SLC18B1: variants seen among roughly 807,000 people sequenced by gnomAD.
SLC18B1 encodes the protein solute carrier family 18 member B1, also known as MFS-type transporter SLC18B1.
Under a neutral mutation model 53.9 loss-of-function variants are expected in SLC18B1, and 62 were observed. The observed-to-expected ratio is 1.15, with a 90% CI of 0.94 to 1.42. The LOEUF (loss-of-function observed/expected upper bound fraction) is 1.42, where lower values mean the gene tolerates loss of function less well. Ranked by LOEUF, SLC18B1 falls within the 40% of genes most tolerant of loss-of-function variation. The pLI is 0.00. For missense variants in SLC18B1, 598 were observed against 547.3 expected, an observed-to-expected ratio of 1.09 and a Z score of -0.93; for synonymous variants, 217 against 200.9, an observed-to-expected ratio of 1.08 and a Z score of -0.68.
chr6:132,789,599 A>G, intron 4 of SLC18B1, 165 bp downstream of exon 4: 2 of 568,976 alleles, frequency 3.5e-6, no homozygotes, highest in South Asian at 2.4e-5. Context: ...AATCAATGCC[A>G]TTTATCCCTG....
At chr6:132,774,614 A>G (rs1330546896) in intron 8 of SLC18B1, among the ~76,000 whole-genome samples, 1 of 152,194 alleles carries the variant, frequency 6.6e-6, no homozygotes, top group African/African-American at 2.4e-5. Context: ...ACTCATTATA[A>G]AAAGCAGTAA....
chr6:132,774,365 A>G lies in SLC18B1; in HGVS notation c.898-52T>C, dbSNP rs1161347065. On this transcript the variant is annotated intron_variant, in intron 8 of 13. Coordinates refer to ENST00000275227, the MANE Select transcript of SLC18B1 (RefSeq NM_052831.3). Reference sequence around the variant, plus strand: ...TGATTCTTAGAGGCAAAGACCCTCCATAATCAAACAACGTAAAACATTAGT... The same window carrying G: ...TGATTCTTAGAGGCAAAGACCCTCCGTAATCAAACAACGTAAAACATTAGT... The G allele has an allele frequency of 2.9e-6, 4 of 1,375,952 alleles. No individual in the cohort carries two copies. In the Admixed American group the frequency reaches 5.6e-5, roughly 19 times the overall value. 85.2% of individuals were successfully genotyped at this position (1,375,952 alleles called of 1,614,324 possible).
chr6:132,783,067 G>A (rs1260174865), intron 6 of SLC18B1, among the ~76,000 whole-genome samples: 4 of 152,126 alleles, frequency 2.6e-5, no homozygotes, highest in South Asian at 2.1e-4. Context: ...TAGCCACTGC[G>A]CCTAGCGAAA....
chr6:132,770,805 A>G (rs1340809626), intron 13 of SLC18B1, 85 bp downstream of exon 13: 1 of 1,292,854 alleles, frequency 7.7e-7, no homozygotes, highest in African/African-American at 1.5e-5. Context: ...CACTGACTGG[A>G]AGAATAAATG....
chr6:132,770,663 G>T (rs548501339), intron 13 of SLC18B1, among the ~76,000 whole-genome samples: 2 of 152,256 alleles, frequency 1.3e-5, no homozygotes, highest in South Asian at 4.1e-4. Context: ...TTGAACCCGG[G>T]GGGCAGAAGT....
intron 2 of SLC18B1, among the ~76,000 whole-genome samples, chr6:132,796,421 G>A (rs956175739): frequency 1.7e-4 from 26 of 148,918 alleles, no homozygotes; most frequent in African/African-American, 5.3e-4. Context: ...AGCTACTCGG[G>A]AGGCTGAGGC....
At chr6:132,777,934 G>C (rs1781139858) in intron 7 of SLC18B1, among the ~76,000 whole-genome samples, 1 of 152,142 alleles carries the variant, frequency 6.6e-6, no homozygotes. Flanking sequence ...CCACCAAACA[G>C]GCTTTGTGTG....
chr6:132,777,248 A>G (rs758951850), intron 7 of SLC18B1, among the ~76,000 whole-genome samples: 3 of 152,090 alleles, frequency 2.0e-5, no homozygotes, highest in Admixed American at 1.3e-4. Context: ...CTCAAAAGCA[A>G]AAAAAGTTCT....
At chr6:132,782,655 T>C (rs1468541987) in intron 6 of SLC18B1, among the ~76,000 whole-genome samples, 1 of 152,132 alleles carries the variant, frequency 6.6e-6, no homozygotes, top group Non-Finnish European at 1.5e-5. Flanking sequence ...TGTCTATGGG[T>C]CTAAAAGGTG....
In SLC18B1 at chr6:132,789,857, A is replaced by G. The variant is rs117095443; in HGVS notation, c.280-20T>C. On this transcript the variant is annotated intron_variant, in intron 3 of 13. Transcript: ENST00000275227. Reference sequence around the variant, plus strand: ...TACAAGCTATAATAAATGTCAAAGAAGAGTGGTAAATTTATGACTTCCGAA... The same window carrying G: ...TACAAGCTATAATAAATGTCAAAGAGGAGTGGTAAATTTATGACTTCCGAA... 2,130 of 1,562,022 alleles carry G rather than the reference A, an allele frequency of 1.4e-3. 35 individuals carry two copies. In the East Asian group the frequency reaches 0.028, roughly 21 times the overall value.
intron 6 of SLC18B1, among the ~76,000 whole-genome samples, chr6:132,782,718 T>G (rs1423550060): frequency 2.0e-5 from 3 of 152,178 alleles, no homozygotes; most frequent in Non-Finnish European, 4.4e-5. Flanking sequence ...ATATCAGTAA[T>G]TTTTAAAATT....
At position 132,784,080 on chromosome 6, in the gene SLC18B1, C is replaced by A; in HGVS notation, c.511G>T (p.Glu171Ter). The change falls in exon 6 of 14, where the codon GAG becomes TAG. Residue 171 changes from glutamate (E) to a stop codon, truncating the protein, a stop_gained. Coordinates refer to ENST00000275227, the MANE Select transcript of SLC18B1 (RefSeq NM_052831.3). LOFTEE classifies it high-confidence loss of function. The part of the protein sequence containing the change: ...NNVATVLGSL[E>*]TFSGLGLILG... ...ATTAGCCCCAGTCCAGAAAAAGTCT[C>A]AAGACTTCCCTTAAAATGAGAAAAA... 1 of 1,559,508 alleles carries A rather than the reference C, an allele frequency of 6.4e-7. No individual in the cohort carries two copies. The highest frequency in any genetic ancestry group is 8.6e-7 in the Non-Finnish European group (1 of 1,159,828).
At chr6:132,777,953 A>T (rs1228556973) in intron 7 of SLC18B1, among the ~76,000 whole-genome samples, 2 of 152,186 alleles carry the variant, frequency 1.3e-5, no homozygotes, top group East Asian at 3.8e-4. Flanking sequence ...TGAGCAATAA[A>T]GCTTTTTAAT....
intron 5 of SLC18B1, among the ~76,000 whole-genome samples, chr6:132,784,538 T>C (rs1451011902): frequency 6.6e-6 from 1 of 152,210 alleles, no homozygotes; most frequent in Non-Finnish European, 1.5e-5. Context: ...AAAGATCTTT[T>C]AGAAGTTCAC....
chr6:132,779,864 G>A lies in SLC18B1; in HGVS notation c.659-460C>T, dbSNP rs117146387. ...TGGTGGAAGACGAAGGAAGAGTAAA[G>A]GGACATTTTACATGGCTGCAGGCAA... On this transcript the variant is annotated intron_variant, in intron 6 of 13. Coordinates refer to ENST00000275227, the MANE Select transcript of SLC18B1 (RefSeq NM_052831.3). 7.3e-3 allele frequency among the ~76,000 whole-genome samples: 1,116 copies of A among 152,278 alleles called. 5 individuals carry two copies. The highest frequency in any genetic ancestry group is 0.012 in the Non-Finnish European group (830 of 68,038).
intron 6 of SLC18B1, among the ~76,000 whole-genome samples, chr6:132,780,565 GTTTTTTT>G (rs10537572): frequency 1.3e-5 from 1 of 75,902 alleles, no homozygotes; most frequent in Non-Finnish European, 2.3e-5. Flanking sequence ...CGTGGTGTTA[GTTTTTTT>G]TTTTTTTTTT....
At chr6:132,791,019 T>C (rs1781510176) in intron 2 of SLC18B1, among the ~76,000 whole-genome samples, 1 of 152,202 alleles carries the variant, frequency 6.6e-6, no homozygotes, top group Non-Finnish European at 1.5e-5. Context: ...CACAACTACA[T>C]TCACATATAA....
At chr6:132,781,171 T>TGCA (rs1781225845) in intron 6 of SLC18B1, among the ~76,000 whole-genome samples, 1 of 152,212 alleles carries the variant, frequency 6.6e-6, no homozygotes, top group South Asian at 2.1e-4. Flanking sequence ...TGCACAATAG[T>TGCA]CCCTTTTCCT....
At chr6:132,786,916 T>C (rs1781393712) in intron 5 of SLC18B1, among the ~76,000 whole-genome samples, 1 of 152,170 alleles carries the variant, frequency 6.6e-6, no homozygotes, top group African/African-American at 2.4e-5. Context: ...CACCAGGATC[T>C]GGATTTTTAT....
Sources: gnomAD v4.1 joint callset for allele counts (sites outside exome capture counted in the v4.1 genomes callset) on GRCh38, gnomAD v4.1.1 for gene constraint, MANE v1.5 for transcripts, NCBI Gene and HGNC (gene_info 2026-07-23, HGNC 2026-07-21) for gene names.